RBFOX1: variants seen among roughly 807,000 people sequenced by gnomAD.
RBFOX1 encodes RNA binding protein fox-1 homolog 1.
Under a neutral mutation model 57.7 loss-of-function variants are expected in RBFOX1, and 8 were observed. The ratio of observed to expected loss-of-function variants is 0.14; its 90% CI spans 0.08 to 0.25. The LOEUF is 0.25. RBFOX1 is among the 10% of genes least tolerant of loss of function. The pLI is 1.00. For synonymous variants in RBFOX1, 326 were observed against 222.4 expected (o/e 1.47, Z -4.15); for missense variants, 611 against 548.5 (o/e 1.11, Z -1.14).
At chr16:5,835,267 C>G (rs987043880) in intron 3 of RBFOX1, among the ~76,000 whole-genome samples, 3 of 152,146 alleles carry the variant, frequency 2.0e-5, no homozygotes, top group African/African-American at 4.8e-5. Flanking sequence ...TGGGCAGGCA[C>G]TACAGGCAGG....
chr16:5,827,908 T>TCCATCCATCCAC (rs2056125761), intron 3 of RBFOX1, among the ~76,000 whole-genome samples: 2 of 138,212 alleles, frequency 1.4e-5, no homozygotes, highest in African/African-American at 6.1e-5. Context: ...CATCCATCCA[T>TCCATCCATCCAC]CCATCCATCC....
chr16:7,668,366 G>A (rs979964135), intron 13 of RBFOX1, among the ~76,000 whole-genome samples: 24 of 152,300 alleles, frequency 1.6e-4, no homozygotes, highest in South Asian at 1.0e-3. Flanking sequence ...AACAGAGAGG[G>A]ACAGATGATC....
At chr16:5,903,416 G>A (rs895737870) in intron 4 of RBFOX1, among the ~76,000 whole-genome samples, 1 of 152,116 alleles carries the variant, frequency 6.6e-6, no homozygotes, top group Non-Finnish European at 1.5e-5. Flanking sequence ...CAAAGCGGCT[G>A]GGCAGATCCC....
intron 3 of RBFOX1, among the ~76,000 whole-genome samples, chr16:6,761,660 C>G (rs186952121): frequency 6.6e-6 from 1 of 151,686 alleles, no homozygotes. Flanking sequence ...GTGCTCGCCA[C>G]CATGCCTGGC....
At chr16:5,753,159 T>TA (rs879756408) in intron 3 of RBFOX1, among the ~76,000 whole-genome samples, 64 of 144,556 alleles carry the variant, frequency 4.4e-4, no homozygotes, top group South Asian at 6.6e-4. Flanking sequence ...AACCTTGTCT[T>TA]AAAAAAAAAA....
At chr16:5,760,830 C>G (rs1414134182) in intron 3 of RBFOX1, among the ~76,000 whole-genome samples, 2 of 152,162 alleles carry the variant, frequency 1.3e-5, no homozygotes, top group South Asian at 2.1e-4. Context: ...TTGGTCGTTA[C>G]TGGGAGCAGA....
chr16:6,472,845 G>C (rs546681008), intron 2 of RBFOX1, among the ~76,000 whole-genome samples: 1 of 151,774 alleles, frequency 6.6e-6, no homozygotes, highest in Non-Finnish European at 1.5e-5. Flanking sequence ...GGCTGGTCTC[G>C]AACTCCCAAC....
At chr16:7,163,487 C>G (rs2078815659) in intron 4 of RBFOX1, among the ~76,000 whole-genome samples, 1 of 152,114 alleles carries the variant, frequency 6.6e-6, no homozygotes, top group Non-Finnish European at 1.5e-5. Flanking sequence ...TCTGCCCATT[C>G]TCTCCTTTGG....
chr16:6,974,888 G>C (rs1017177137), intron 3 of RBFOX1, among the ~76,000 whole-genome samples: 5 of 152,046 alleles, frequency 3.3e-5, no homozygotes, highest in Admixed American at 6.6e-5. Flanking sequence ...TCTGCAAATA[G>C]CTGCGTGAGA....
intron 3 of RBFOX1, among the ~76,000 whole-genome samples, chr16:6,728,584 T>G (rs975570714): frequency 1.3e-5 from 2 of 152,178 alleles, no homozygotes; most frequent in African/African-American, 4.8e-5. Flanking sequence ...TTACTCAATA[T>G]AGGGAAGCAG....
At position 7,427,918 on chromosome 16, in the gene RBFOX1, T is replaced by G. The variant is rs547616218; in HGVS notation, c.28-90229T>G. Reference sequence around the variant, plus strand: ...ATCTGCCTGCCTTGGCCTCCTAAAGTGCTCAGCCACCATGCACAGTCTTAA... The same window carrying G: ...ATCTGCCTGCCTTGGCCTCCTAAAGGGCTCAGCCACCATGCACAGTCTTAA... On this transcript the variant is annotated intron_variant, in intron 4 of 15. Coordinates refer to ENST00000550418, the MANE Select transcript of RBFOX1 (RefSeq NM_018723.4). 1.4e-3 allele frequency among the ~76,000 whole-genome samples: 220 copies of G among 152,326 alleles called. 1 individual carries two copies. Among genetic ancestry groups the G allele is most frequent in the Admixed American group, 2.5e-3 (38 of 15,292 alleles).
chr16:5,338,822 A>T (rs1450822390), intron 1 of RBFOX1, among the ~76,000 whole-genome samples: 2 of 151,480 alleles, frequency 1.3e-5, no homozygotes, highest in East Asian at 1.9e-4. Context: ...ACACCTGCCT[A>T]TTTTTTTTGT....
intron 1 of RBFOX1, among the ~76,000 whole-genome samples, chr16:6,029,805 C>T (rs1389535099): frequency 7.1e-6 from 1 of 140,576 alleles, no homozygotes; most frequent in Non-Finnish European, 1.5e-5. Flanking sequence ...GAAAGAAAAA[C>T]ATGTTATTGA....
intron 4 of RBFOX1, among the ~76,000 whole-genome samples, chr16:7,246,470 T>G (rs930832675): frequency 6.6e-6 from 1 of 152,162 alleles, no homozygotes; most frequent in Non-Finnish European, 1.5e-5. Context: ...ACTCGTTGTT[T>G]TGCTTTCAGG....
intron 1 of RBFOX1, among the ~76,000 whole-genome samples, chr16:6,069,394 G>T (rs561545542): frequency 1.3e-5 from 1 of 78,074 alleles, no homozygotes; most frequent in Admixed American, 1.6e-4. Flanking sequence ...GCGAAACTCT[G>T]CCTCAAAAAA....
intron 4 of RBFOX1, among the ~76,000 whole-genome samples, chr16:5,970,271 G>C (rs1388884937): frequency 1.3e-5 from 2 of 151,932 alleles, no homozygotes; most frequent in African/African-American, 4.8e-5. Flanking sequence ...TTTTGTTCTG[G>C]TTACTCTTTT....
chr16:5,394,469 T>A (rs1012442887), intron 1 of RBFOX1, among the ~76,000 whole-genome samples: 2 of 152,188 alleles, frequency 1.3e-5, no homozygotes, highest in African/African-American at 4.8e-5. Context: ...GCTCTTCGCT[T>A]TTGGACTTGA....
At chr16:7,486,936 G>C (rs1333784812) in intron 4 of RBFOX1, among the ~76,000 whole-genome samples, 3 of 152,110 alleles carry the variant, frequency 2.0e-5, no homozygotes, top group African/African-American at 7.2e-5. Flanking sequence ...GTCTTGCTCT[G>C]TCACCCAGTC....
intron 3 of RBFOX1, among the ~76,000 whole-genome samples, chr16:5,809,769 A>G (rs1397779678): frequency 6.6e-6 from 1 of 152,194 alleles, no homozygotes; most frequent in Non-Finnish European, 1.5e-5. Context: ...CAGTGTGGCG[A>G]TTCCTCAGGG....
Sources: gnomAD v4.1 joint callset for allele counts (sites outside exome capture counted in the v4.1 genomes callset) on GRCh38, gnomAD v4.1.1 for gene constraint, MANE v1.5 for transcripts, NCBI Gene and HGNC (gene_info 2026-07-23, HGNC 2026-07-21) for gene names.